Variants in JADE1 observed in about 807,000 individuals in gnomAD.
The protein encoded by JADE1 is jade family PHD finger 1.
Under a neutral mutation model 81.8 loss-of-function variants are expected in JADE1, and 14 were observed. That is an observed-to-expected ratio of 0.17 (90% CI 0.11 to 0.27). The LOEUF (loss-of-function observed/expected upper bound fraction) is 0.27. Ranked by LOEUF, JADE1 falls within the 10% of genes least tolerant of loss-of-function variation. JADE1 has a pLI of 1.00. For missense variants in JADE1, 690 were observed against 1,047.9 expected (o/e 0.66, Z 4.71); for synonymous variants, 353 against 391.9 (o/e 0.90, Z 1.17).
chr4:128,825,493 C>T (rs1175575994), intron 1 of JADE1, among the ~76,000 whole-genome samples: 1 of 152,220 alleles, frequency 6.6e-6, no homozygotes, highest in Non-Finnish European at 1.5e-5. Context: ...CACATAGTGG[C>T]TCCTCTGAAT....
chr4:128,862,832 C>G lies in JADE1; in HGVS notation c.1503+607C>G. On this transcript the variant is annotated intron_variant, in intron 9 of 10. Transcript: ENST00000226319. ...GATGTGTGTGCATGAGCTGTATGTACACATGCATATATCTGTTACAGAAGA... is the reference window on the plus strand; with the variant it reads ...GATGTGTGTGCATGAGCTGTATGTAGACATGCATATATCTGTTACAGAAGA... The G allele has an allele frequency of 3.0e-6, 3 of 992,530 alleles. No homozygotes were observed. In the South Asian group the frequency reaches 1.3e-4, roughly 45 times the overall value. 61.5% of individuals were successfully genotyped at this position (992,530 alleles called of 1,614,324 possible).
chr4:128,850,423 A>T (rs1730253248), intron 5 of JADE1, among the ~76,000 whole-genome samples: 1 of 152,154 alleles, frequency 6.6e-6, no homozygotes, highest in South Asian at 2.1e-4. Context: ...GGCTTGCAGT[A>T]GATGCTTGTC....
At chr4:128,841,524 G>C (rs749486956) in intron 2 of JADE1, among the ~76,000 whole-genome samples, 2 of 152,280 alleles carry the variant, frequency 1.3e-5, no homozygotes, top group Non-Finnish European at 1.5e-5. Context: ...TAGAAATGGT[G>C]GTAATAGTCA....
chr4:128,855,748 G>A lies in JADE1; in HGVS notation c.815G>A (p.Arg272His), dbSNP rs753231987. Reference sequence around the variant, plus strand: ...AAGGGTGGAGCTATGAAGCCCACCCGTAGCGGAACCAAGTGGGTCCACGTT... The same window carrying A: ...AAGGGTGGAGCTATGAAGCCCACCCATAGCGGAACCAAGTGGGTCCACGTT... Reference protein sequence around the residue: ...PKKGGAMKPTRSGTKWVHVSC... With the variant: ...PKKGGAMKPTHSGTKWVHVSC... The change falls in exon 7 of 11, where the codon CGT becomes CAT. Residue 272 changes from arginine to histidine, a missense_variant. Arg to His is a conservative substitution (Grantham distance 29). Coordinates refer to ENST00000226319, the MANE Select transcript of JADE1 (RefSeq NM_199320.4). 16 of 1,613,958 alleles carry A rather than the reference G, an allele frequency of 9.9e-6. No individual in the cohort carries two copies. The highest frequency in any genetic ancestry group is 1.7e-5 in the Admixed American group (1 of 59,996).
chr4:128,862,319 TAC>T lies in JADE1; in HGVS notation c.1503+95_1503+96del. On this transcript the variant is annotated intron_variant, in intron 9 of 10. Coordinates refer to ENST00000226319, the MANE Select transcript of JADE1 (RefSeq NM_199320.4). Reference sequence around the variant, plus strand: ...GAGCAAGAAATGATAGCCAGTCATATACTCTCAGACCCTTGTACACACCACAG... The same window carrying T: ...GAGCAAGAAATGATAGCCAGTCATATTCTCAGACCCTTGTACACACCACAG... 3 of 1,560,968 alleles carry T rather than the reference TAC, an allele frequency of 1.9e-6. No individual in the cohort carries two copies. The Admixed American group carries it at 5.7e-5, about 30-fold the overall frequency.
At chr4:128,837,574 T>C (rs764243496) in intron 2 of JADE1, among the ~76,000 whole-genome samples, 1 of 152,182 alleles carries the variant, frequency 6.6e-6, no homozygotes, top group South Asian at 2.1e-4. Flanking sequence ...CTAAAACAAA[T>C]AAACAGTAAC....
chr4:128,843,678 T>G (rs1729637988), intron 3 of JADE1, among the ~76,000 whole-genome samples: 1 of 152,228 alleles, frequency 6.6e-6, no homozygotes. Context: ...AGGCTTTAAA[T>G]CATCGAAGAA....
chr4:128,842,099 C>T (rs1729480186), intron 2 of JADE1, among the ~76,000 whole-genome samples: 1 of 152,138 alleles, frequency 6.6e-6, no homozygotes, highest in African/African-American at 2.4e-5. Context: ...TGGCAATTGG[C>T]CCCTTAGTCT....
At chr4:128,819,569 AGCAATCAGAAGTTAAT>A (rs1330110248) in intron 1 of JADE1, among the ~76,000 whole-genome samples, 1 of 152,212 alleles carries the variant, frequency 6.6e-6, no homozygotes, top group Non-Finnish European at 1.5e-5. Flanking sequence ...TATGTGTCAC[AGCAATCAGAAGTTAAT>A]GCCTACCACT....
chr4:128,813,300 G>GA (rs1353145159), intron 1 of JADE1, among the ~76,000 whole-genome samples: 7 of 152,054 alleles, frequency 4.6e-5, no homozygotes, highest in African/African-American at 1.7e-4. Context: ...TACGTGGGGG[G>GA]AGTTAAATGG....
intron 10 of JADE1, among the ~76,000 whole-genome samples, chr4:128,868,929 A>G (rs969060136): frequency 2.0e-5 from 3 of 152,128 alleles, no homozygotes; most frequent in Non-Finnish European, 2.9e-5. Flanking sequence ...GCGTTGTGCA[A>G]TCATAGTTGA....
At position 128,872,451 on chromosome 4, in the gene JADE1, C is replaced by T. The variant is rs535406916; in HGVS notation, c.*189C>T. The T allele has an allele frequency of 3.4e-6, 2 of 584,900 alleles. No homozygotes were observed. Among genetic ancestry groups the T allele is most frequent in the Admixed American group, 3.1e-5 (1 of 32,254 alleles). The allele number at this position is 584,900 out of a possible 1,614,324, so 36.2% of individuals were successfully genotyped here. On this transcript the variant is annotated 3_prime_UTR_variant, in exon 11 of 11. Coordinates refer to ENST00000226319, the MANE Select transcript of JADE1 (RefSeq NM_199320.4). ...TGTGAGAAGTTTGTGTTATTTGCAA[C>T]TTGTTGAGGAAACAGAAGAGTAGAT...
intron 2 of JADE1, among the ~76,000 whole-genome samples, chr4:128,841,860 T>C (rs1216491965): frequency 6.6e-6 from 1 of 152,152 alleles, no homozygotes; most frequent in Non-Finnish European, 1.5e-5. Context: ...GAATTGCCAC[T>C]GAGGCTGAGG....
chr4:128,857,864 C>T (rs1381284640), intron 8 of JADE1, among the ~76,000 whole-genome samples: 1 of 152,162 alleles, frequency 6.6e-6, no homozygotes, highest in East Asian at 1.9e-4. Flanking sequence ...AGCTGCAGAC[C>T]CTGGCCCACC....
chr4:128,827,778 C>T, intron 1 of JADE1: 1 of 657,656 alleles, frequency 1.5e-6, no homozygotes, highest in Non-Finnish European at 1.9e-6. Flanking sequence ...AGGGCAAACC[C>T]ACAGGGCATA....
intron 1 of JADE1, among the ~76,000 whole-genome samples, chr4:128,816,028 A>G (rs1263071162): frequency 8.2e-6 from 1 of 122,290 alleles, no homozygotes. Context: ...TTTTTTTTTT[A>G]AACATGAAGG....
intron 1 of JADE1, among the ~76,000 whole-genome samples, chr4:128,825,839 TG>T (rs1452766279): frequency 6.6e-6 from 1 of 152,332 alleles, no homozygotes; most frequent in South Asian, 2.1e-4. Context: ...AATAGGGGTT[TG>T]GGCCAGTGGG....
intron 1 of JADE1, among the ~76,000 whole-genome samples, chr4:128,818,270 GCCACCATGC>G (rs1440492837): frequency 6.6e-6 from 1 of 152,130 alleles, no homozygotes; most frequent in East Asian, 1.9e-4. Context: ...ACAGGCGTGT[GCCACCATGC>G]CCTGCTAATT....
intron 9 of JADE1, chr4:128,864,633 CTTGTT>C (rs1034014326): frequency 3.1e-6 from 3 of 983,470 alleles, no homozygotes; most frequent in Non-Finnish European, 3.6e-6. Context: ...TTACTACCAA[CTTGTT>C]TTCTCAAGTA....
Sources: allele counts gnomAD v4.1 joint callset (sites outside exome capture counted in the v4.1 genomes callset), GRCh38; gene constraint gnomAD v4.1.1; transcripts MANE v1.5; gene names NCBI Gene and HGNC (gene_info 2026-07-23, HGNC 2026-07-21).